Variants in TRAF2 observed in about 807,000 individuals in gnomAD.
The protein encoded by TRAF2 is TNF receptor-associated factor 2.
A neutral mutation model predicts 55.6 loss-of-function variants in TRAF2; 6 were observed. The observed-to-expected ratio is 0.11, with a 90% CI of 0.06 to 0.21. The LOEUF (loss-of-function observed/expected upper bound fraction) is 0.21, where lower values mean the gene tolerates loss of function less well. Ranked by LOEUF, TRAF2 falls within the 10% of genes least tolerant of loss-of-function variation. TRAF2 has a pLI of 1.00. For synonymous variants in TRAF2, 329 were observed against 276.3 expected (o/e 1.19, Z -1.89); for missense variants, 561 against 684.5 (o/e 0.82, Z 2.01).
At chr9:136,882,178 A>AGGT (rs1849382705), upstream of TRAF2, 1 of 478,422 alleles carries the variant, frequency 2.1e-6, no homozygotes, top group African/African-American at 2.1e-5. Context: ...AAAGGACATG[A>AGGT]GGTGTGAGCC....
chr9:136,924,106 C>A, intron 10 of TRAF2, 106 bp downstream of exon 10: 1 of 1,401,708 alleles, frequency 7.1e-7, no homozygotes, highest in Non-Finnish European at 9.6e-7. Flanking sequence ...CTTGGGCTCG[C>A]TGGACCAGGT....
At chr9:136,899,485 G>A in intron 2 of TRAF2, 109 bp from the exon 3 acceptor site, 3 of 965,020 alleles carry the variant, frequency 3.1e-6, no homozygotes, top group Non-Finnish European at 4.7e-6. Flanking sequence ...CTAAGGATGA[G>A]AAAGTTTAAA....
intron 4 of TRAF2, among the ~76,000 whole-genome samples, chr9:136,901,364 G>A (rs1204909430): frequency 6.6e-6 from 1 of 152,202 alleles, no homozygotes; most frequent in Non-Finnish European, 1.5e-5. Flanking sequence ...GCAGCCCAGT[G>A]TCTGCGGATG....
chr9:136,908,219 A>G lies in TRAF2; in HGVS notation c.516A>G (p.Gly172=). The G allele has an allele frequency of 2.5e-6, 4 of 1,589,728 alleles. No individual in the cohort carries two copies. Among genetic ancestry groups the G allele is most frequent in the Non-Finnish European group, 1.7e-6 (2 of 1,175,444 alleles). Residue 172 remains glycine (G), a synonymous_variant, in exon 5 of 11, where the codon GGA becomes GGG. Coordinates refer to ENST00000247668, the MANE Select transcript of TRAF2 (RefSeq NM_021138.4). ...SCRHCRAPCC[G]ADVKAHHEVC... is the part of the protein sequence containing the mutation. ...GGCATTGCCGGGCACCCTGCTGCGGAGCAGACGTGAAGGTGCGTGGGGTGG... is the reference window on the plus strand; with the variant it reads ...GGCATTGCCGGGCACCCTGCTGCGGGGCAGACGTGAAGGTGCGTGGGGTGG...
Position 136,926,548 on chromosome 9 carries a change from A to G in TRAF2, c.*647A>G, listed in dbSNP as rs541535315. Reference sequence around the variant, plus strand: ...GAGGTGCACAGCACAGCCTGCGGGTAAAGTGTGAGAGCTTGCCATCCAGCT... The same window carrying G: ...GAGGTGCACAGCACAGCCTGCGGGTGAAGTGTGAGAGCTTGCCATCCAGCT... On this transcript the variant is annotated 3_prime_UTR_variant, in exon 11 of 11. Coordinates refer to ENST00000247668, the MANE Select transcript of TRAF2 (RefSeq NM_021138.4). 1 of 171,938 alleles carries G rather than the reference A, an allele frequency of 5.8e-6. No homozygotes were observed. 10.7% of individuals were successfully genotyped at this position (171,938 alleles called of 1,614,324 possible). A position where few individuals can be genotyped will look rare whatever the true frequency, so the allele number is the denominator to read the frequency against.
intron 7 of TRAF2, among the ~76,000 whole-genome samples, chr9:136,917,343 G>A (rs758244595): frequency 6.6e-5 from 10 of 152,186 alleles, no homozygotes; most frequent in Middle Eastern, 3.2e-3. Flanking sequence ...GCCCACTTGT[G>A]CCCACCCCAG....
rs554439573 is a variant in TRAF2 at position 136,910,003 on chromosome 9, C to A, written c.603+9C>A. On this transcript the variant is annotated intron_variant, in intron 6 of 10. Transcript: ENST00000247668. ...AGATCCCCCGGGAGAAGGTGAGTGT[C>A]CTTCACCTCCTTGGAGGACCGCAGG... 17 of 1,612,818 alleles carry A rather than the reference C, an allele frequency of 1.1e-5. No homozygotes were observed. In the South Asian group the frequency reaches 1.5e-4, roughly 15 times the overall value.
chr9:136,912,131 C>A (rs1181430851), intron 6 of TRAF2, among the ~76,000 whole-genome samples: 4 of 136,380 alleles, frequency 2.9e-5, no homozygotes, highest in African/African-American at 1.1e-4. Flanking sequence ...GGATTACAGG[C>A]GTGAGCCACT....
At chr9:136,897,444 GAAGTGA>G (rs1381534888) in intron 1 of TRAF2, among the ~76,000 whole-genome samples, 1 of 151,628 alleles carries the variant, frequency 6.6e-6, no homozygotes, top group African/African-American at 2.4e-5. Context: ...TGTATCGTCT[GAAGTGA>G]GGGAAACCCG....
chr9:136,918,679 G>C (rs4880164), intron 7 of TRAF2, among the ~76,000 whole-genome samples: 119,144 of 152,198 alleles, frequency 0.78, 47,101 homozygotes, highest in African/African-American at 0.89. Context: ...CTAGCTTCCA[G>C]CCCTGTGTTT....
chr9:136,914,288 C>T (rs1374317335), intron 6 of TRAF2, among the ~76,000 whole-genome samples: 2 of 152,246 alleles, frequency 1.3e-5, no homozygotes, highest in Non-Finnish European at 2.9e-5. Context: ...TGCCTTCTCC[C>T]ACACCTACCC....
chr9:136,920,487 A>G lies in TRAF2; in HGVS notation c.932A>G (p.Gln311Arg). ...TGCAGCCGGCAGCACCGGCTGGACCAAGACAAGATTGAAGCCCTGAGTAGC... is the reference window on the plus strand; with the variant it reads ...TGCAGCCGGCAGCACCGGCTGGACCGAGACAAGATTGAAGCCCTGAGTAGC... ...EACSRQHRLD[Q>R]DKIEALSSKV... Residue 311 changes from glutamine (Q) to arginine (R), a missense_variant, in exon 8 of 11, where the codon CAA becomes CGA. Coordinates refer to ENST00000247668, the MANE Select transcript of TRAF2 (RefSeq NM_021138.4). The G allele has an allele frequency of 1.9e-6, 3 of 1,612,968 alleles. No homozygotes were observed. Among genetic ancestry groups the G allele is most frequent in the Non-Finnish European group, 2.5e-6 (3 of 1,179,532 alleles).
intron 7 of TRAF2, 85 bp downstream of exon 7, chr9:136,916,700 C>T (rs1850250669): frequency 2.2e-6 from 3 of 1,340,218 alleles, no homozygotes; most frequent in South Asian, 2.3e-5. Context: ...TCCTGGTTTC[C>T]TTCCAGCTGC....
chr9:136,920,485 C>A lies in TRAF2; in HGVS notation c.930C>A (p.Asp310Glu). 2 of 1,612,984 alleles carry A rather than the reference C, an allele frequency of 1.2e-6. No homozygotes were observed. The highest frequency in any genetic ancestry group is 1.7e-6 in the Non-Finnish European group (2 of 1,179,630). ...AEACSRQHRL[D>E]QDKIEALSSK... ...CCTGCAGCCGGCAGCACCGGCTGGACCAAGACAAGATTGAAGCCCTGAGTA... is the reference window on the plus strand; with the variant it reads ...CCTGCAGCCGGCAGCACCGGCTGGAACAAGACAAGATTGAAGCCCTGAGTA... Residue 310 changes from aspartate (D) to glutamate (E), a missense_variant, in exon 8 of 11, where the codon GAC becomes GAA. Asp to Glu is a conservative substitution (Grantham distance 45, BLOSUM62 2). Around this residue, in one of 2 missense-constraint regions of TRAF2, gnomAD observed 426 missense variants for 476.8 expected, o/e 0.89. Coordinates refer to ENST00000247668, the MANE Select transcript of TRAF2 (RefSeq NM_021138.4).
chr9:136,892,237 G>A (rs1849594869), intron 1 of TRAF2, among the ~76,000 whole-genome samples: 2 of 151,898 alleles, frequency 1.3e-5, no homozygotes, highest in African/African-American at 4.8e-5. Flanking sequence ...ACCGAGGCGG[G>A]CAGATCACGA....
chr9:136,908,525 A>C (rs377052269), intron 5 of TRAF2, among the ~76,000 whole-genome samples: 8 of 152,132 alleles, frequency 5.3e-5, no homozygotes, highest in South Asian at 4.1e-4. Flanking sequence ...GTTGAAGACC[A>C]GCCTGGCCAA....
At chr9:136,914,072 G>GCCCCTTC in intron 6 of TRAF2, among the ~76,000 whole-genome samples, 1 of 152,368 alleles carries the variant, frequency 6.6e-6, no homozygotes, top group East Asian at 1.9e-4. Context: ...CCTTCATGGT[G>GCCCCTTC]ATGCTGGCAG....
chr9:136,891,570 C>G (rs1362475367), intron 1 of TRAF2, among the ~76,000 whole-genome samples: 1 of 151,706 alleles, frequency 6.6e-6, no homozygotes, highest in Non-Finnish European at 1.5e-5. Flanking sequence ...TTATGTCTGA[C>G]AGGCATGCCT....
intron 7 of TRAF2, among the ~76,000 whole-genome samples, chr9:136,917,409 CT>C (rs1850268615): frequency 6.6e-6 from 1 of 152,226 alleles, no homozygotes; most frequent in African/African-American, 2.4e-5. Flanking sequence ...GTGGACCCCC[CT>C]GCTCCACCCC....
Sources: allele counts gnomAD v4.1 joint callset (sites outside exome capture counted in the v4.1 genomes callset), GRCh38; gene constraint gnomAD v4.1.1; regional missense constraint gnomAD v4.1.1; transcripts MANE v1.5; gene names NCBI Gene and HGNC (gene_info 2026-07-23, HGNC 2026-07-21).